CYYR1: variants seen among roughly 807,000 people sequenced by gnomAD.
The protein encoded by CYYR1 is cysteine and tyrosine-rich protein 1.
A neutral mutation model predicts 15.2 loss-of-function variants in CYYR1; 14 were observed. The observed-to-expected ratio is 0.92, with a 90% CI of 0.61 to 1.44. The LOEUF (loss-of-function observed/expected upper bound fraction) is 1.44. CYYR1 is among the 40% of genes most tolerant of loss of function. The pLI is 0.00. For missense variants in CYYR1, 228 were observed against 209.5 expected (o/e 1.09, Z -0.54); for synonymous variants, 80 against 77.4 (o/e 1.03, Z -0.18).
intron 2 of CYYR1, among the ~76,000 whole-genome samples, chr21:26,487,876 A>G (rs888357561): frequency 6.6e-6 from 1 of 151,794 alleles, no homozygotes; most frequent in Non-Finnish European, 1.5e-5. Context: ...GGGTAGGAAG[A>G]CCAATCCATG....
intron 1 of CYYR1, among the ~76,000 whole-genome samples, chr21:26,567,760 C>T (rs1028987684): frequency 1.1e-4 from 16 of 152,088 alleles, no homozygotes; most frequent in African/African-American, 1.9e-4. Flanking sequence ...TATGTCTGCA[C>T]GTCCATGTAA....
intron 2 of CYYR1, among the ~76,000 whole-genome samples, chr21:26,483,931 TC>T: frequency 6.6e-6 from 1 of 152,162 alleles, no homozygotes; most frequent in Middle Eastern, 3.4e-3. Flanking sequence ...AGTCTTGTGC[TC>T]CTGGACTTAT....
intron 2 of CYYR1, among the ~76,000 whole-genome samples, chr21:26,553,265 A>T (rs1288571317): frequency 1.3e-5 from 2 of 151,680 alleles, no homozygotes; most frequent in African/African-American, 4.8e-5. Flanking sequence ...CTGCTTCCAA[A>T]TTTTTTTTCT....
At chr21:26,535,093 A>G (rs571526203) in intron 2 of CYYR1, among the ~76,000 whole-genome samples, 1 of 151,996 alleles carries the variant, frequency 6.6e-6, no homozygotes, top group East Asian at 1.9e-4. Flanking sequence ...TACACCGGGG[A>G]CTACTGTGGG....
At chr21:26,547,912 G>T (rs1979095968) in intron 2 of CYYR1, among the ~76,000 whole-genome samples, 1 of 71,870 alleles carries the variant, frequency 1.4e-5, no homozygotes, top group Non-Finnish European at 2.7e-5. Context: ...ATACATTAGA[G>T]AATAGAAAGT....
rs112866401 is a variant in CYYR1 at position 26,468,530 on chromosome 21, G to C, written c.439C>G (p.Pro147Ala). 1.5e-5 allele frequency: 24 copies of C among 1,603,708 alleles called. No homozygotes were observed. The highest frequency in any genetic ancestry group is 1.1e-4 in the East Asian group (5 of 44,822). The stretch of plus-strand genomic sequence containing the variant: ...TTCCTTGCGTTTCCAGGATAAGGAG[G>C]GGGTGGAGAACGCTGTGCTGGACCC... ...PQGPAQRSPP[P>A]PYPGNARK Residue 147 changes from proline (P) to alanine (A), a missense_variant, in exon 4 of 4, where the codon CCT becomes GCT. Physicochemically the swap from Pro to Ala is conservative, Grantham distance 27 (BLOSUM62 -1). Coordinates refer to ENST00000652641, the MANE Select transcript of CYYR1 (RefSeq NM_001320768.2).
chr21:26,512,364 A>T (rs185703055), intron 2 of CYYR1, among the ~76,000 whole-genome samples: 22 of 151,884 alleles, frequency 1.4e-4, no homozygotes, highest in African/African-American at 4.1e-4. Flanking sequence ...ATGCCTGGCT[A>T]ATTTTTTTTT....
intron 2 of CYYR1, among the ~76,000 whole-genome samples, chr21:26,521,795 T>C (rs1199247273): frequency 6.6e-6 from 1 of 152,206 alleles, no homozygotes; most frequent in Admixed American, 6.5e-5. Context: ...GAAGAAAATA[T>C]GAAAAGACAG....
intron 3 of CYYR1, chr21:26,478,005 A>G: frequency 6.5e-7 from 1 of 1,538,084 alleles, no homozygotes. Context: ...TGATTAATTC[A>G]GGTCTTTTCA....
chr21:26,535,421 G>C (rs2123622809), intron 2 of CYYR1, among the ~76,000 whole-genome samples: 1 of 152,288 alleles, frequency 6.6e-6, no homozygotes, highest in South Asian at 2.1e-4. Flanking sequence ...CAAAAAGGGG[G>C]AGAGGGAAAG....
intron 2 of CYYR1, among the ~76,000 whole-genome samples, chr21:26,488,069 C>T (rs990981098): frequency 6.6e-6 from 1 of 151,496 alleles, no homozygotes; most frequent in Admixed American, 6.6e-5. Context: ...TTCTGTTAGC[C>T]TCATGATAAT....
rs2065942824 is a variant in CYYR1 at position 26,532,378 on chromosome 21, T to C, written c.176+33888A>G. ...AAATCATGTCAGTTTATAAAGTCAG[T>C]GAGAGGCTTCTAAGACAAAAGCTAT... is the stretch of plus-strand genomic sequence containing the variant. On this transcript the variant is annotated intron_variant, in intron 2 of 3. Coordinates refer to ENST00000652641, the MANE Select transcript of CYYR1 (RefSeq NM_001320768.2). Among the ~76,000 whole-genome samples the C allele has an allele frequency of 2.0e-5, 3 of 152,094 alleles. No individual in the cohort carries two copies. The South Asian group carries it at 6.2e-4, about 32-fold the overall frequency.
At chr21:26,570,686 T>C (rs1251908766) in intron 1 of CYYR1, among the ~76,000 whole-genome samples, 1 of 152,242 alleles carries the variant, frequency 6.6e-6, no homozygotes, top group Admixed American at 6.5e-5. Context: ...TGCATCTACT[T>C]AGATTTTTGT....
At chr21:26,537,944 T>C (rs1978321449) in intron 2 of CYYR1, among the ~76,000 whole-genome samples, 1 of 152,220 alleles carries the variant, frequency 6.6e-6, no homozygotes, top group African/African-American at 2.4e-5. Context: ...TGCCTTGATC[T>C]TGGACTTCTC....
At position 26,572,908 on chromosome 21, in the gene CYYR1, C is replaced by A. The variant is rs1981098561; in HGVS notation, c.33G>T (p.Gly11=). 6.2e-7 allele frequency: 1 copy of A among 1,613,960 alleles called. No individual in the cohort carries two copies. The highest frequency in any genetic ancestry group is 1.3e-5 in the African/African-American group (1 of 74,920). MDAPRLPVRP[G]VLLPKLVLLF... is the part of the protein sequence containing the mutation. ...GCAGGACCAACTTCGGAAGCAAGACCCCTGGACGCACGGGTAGCCTCGGAG... is the reference window on the plus strand; with the variant it reads ...GCAGGACCAACTTCGGAAGCAAGACACCTGGACGCACGGGTAGCCTCGGAG... The change falls in exon 1 of 4, where the codon GGG becomes GGT. Residue 11 remains glycine (G), a synonymous_variant. Coordinates refer to ENST00000652641, the MANE Select transcript of CYYR1 (RefSeq NM_001320768.2).
intron 2 of CYYR1, among the ~76,000 whole-genome samples, chr21:26,496,857 C>G (rs1056601980): frequency 6.6e-6 from 1 of 152,146 alleles, no homozygotes; most frequent in African/African-American, 2.4e-5. Flanking sequence ...CAGTTTCCCA[C>G]CAGATGTGAG....
At chr21:26,562,793 T>C (rs59311554) in intron 2 of CYYR1, among the ~76,000 whole-genome samples, 179 of 41,362 alleles carry the variant, frequency 4.3e-3, no homozygotes, top group East Asian at 0.017. Flanking sequence ...CACAGAGACA[T>C]ACACAAACAC....
At chr21:26,514,557 T>G (rs1054209351) in intron 2 of CYYR1, among the ~76,000 whole-genome samples, 1 of 152,156 alleles carries the variant, frequency 6.6e-6, no homozygotes, top group African/African-American at 2.4e-5. Flanking sequence ...ATGAGCCAAA[T>G]AAACCTATTT....
intron 2 of CYYR1, among the ~76,000 whole-genome samples, chr21:26,516,719 T>G (rs2065731333): frequency 6.6e-6 from 1 of 152,340 alleles, no homozygotes; most frequent in Non-Finnish European, 1.5e-5. Flanking sequence ...ATTGATTTGC[T>G]TCAAAATCCT....
Sources: allele counts gnomAD v4.1 joint callset (sites outside exome capture counted in the v4.1 genomes callset), GRCh38; gene constraint gnomAD v4.1.1; transcripts MANE v1.5; gene names NCBI Gene and HGNC (gene_info 2026-07-23, HGNC 2026-07-21).